KHDRBS2: variants seen among roughly 807,000 people sequenced by gnomAD.
KHDRBS2 encodes the protein KH domain-containing, RNA-binding, signal transduction-associated protein 2.
In KHDRBS2, 26 loss-of-function variants were observed where a neutral mutation model predicts 44.3. The observed-to-expected ratio is 0.59, with a 90% confidence interval of 0.43 to 0.81. The LOEUF (loss-of-function observed/expected upper bound fraction) is 0.81, where lower values mean the gene tolerates loss of function less well. Ranked by LOEUF, KHDRBS2 falls within the 40% of genes least tolerant of loss-of-function variation. KHDRBS2 has a pLI of 0.00. For missense variants in KHDRBS2, 476 were observed against 433.1 expected (o/e 1.10, Z -0.88); for synonymous variants, 194 against 151.1 (o/e 1.28, Z -2.08).
At chr6:62,060,444 GATGGGAGT>G (rs1791501577) in intron 2 of KHDRBS2, among the ~76,000 whole-genome samples, 2 of 151,798 alleles carry the variant, frequency 1.3e-5, no homozygotes, top group South Asian at 4.1e-4. Flanking sequence ...AAAGGCTATA[GATGGGAGT>G]AATTTAGAGT....
chr6:61,879,366 A>T (rs1038389348), intron 6 of KHDRBS2, among the ~76,000 whole-genome samples: 7 of 151,888 alleles, frequency 4.6e-5, no homozygotes, highest in Non-Finnish European at 8.8e-5. Context: ...TTGTCCAGCT[A>T]TCTTACCTGT....
intron 3 of KHDRBS2, among the ~76,000 whole-genome samples, chr6:62,011,026 A>C (rs1235397327): frequency 6.6e-6 from 1 of 152,014 alleles, no homozygotes; most frequent in East Asian, 1.9e-4. Context: ...ACAGATCTTC[A>C]CTTTGTGGTT....
At chr6:62,177,534 A>C (rs1282994635) in intron 1 of KHDRBS2, among the ~76,000 whole-genome samples, 1 of 125,550 alleles carries the variant, frequency 8.0e-6, no homozygotes, top group Non-Finnish European at 1.8e-5. Flanking sequence ...AAAAGCGATA[A>C]TTGAAGATGT....
At chr6:62,059,324 A>C (rs1048248552) in intron 2 of KHDRBS2, among the ~76,000 whole-genome samples, 8 of 148,736 alleles carry the variant, frequency 5.4e-5, no homozygotes, top group Admixed American at 6.8e-5. Context: ...GAAAAAACAT[A>C]TGGGGCAGAT....
At chr6:61,689,458 A>G (rs1767159924) in intron 8 of KHDRBS2, among the ~76,000 whole-genome samples, 2 of 151,880 alleles carry the variant, frequency 1.3e-5, no homozygotes, top group African/African-American at 2.4e-5. Context: ...TTTTGTGGAA[A>G]TTTTGTGGAA....
intron 1 of KHDRBS2, among the ~76,000 whole-genome samples, chr6:62,255,446 A>C (rs1837213732): frequency 6.6e-6 from 1 of 152,070 alleles, no homozygotes; most frequent in African/African-American, 2.4e-5. Context: ...TCTCCATCTT[A>C]TGGATGTAAC....
chr6:62,124,019 T>C (rs998543641), intron 2 of KHDRBS2, among the ~76,000 whole-genome samples: 3 of 152,242 alleles, frequency 2.0e-5, no homozygotes, highest in South Asian at 4.1e-4. Flanking sequence ...TCATTGTATA[T>C]GTTTAAACTG....
intron 1 of KHDRBS2, among the ~76,000 whole-genome samples, chr6:62,202,079 C>T (rs1185833068): frequency 6.6e-6 from 1 of 152,032 alleles, no homozygotes; most frequent in Non-Finnish European, 1.5e-5. Flanking sequence ...AATAATCTTA[C>T]AGAGAAATTG....
chr6:62,073,119 T>G (rs1795574718), intron 2 of KHDRBS2, among the ~76,000 whole-genome samples: 1 of 151,988 alleles, frequency 6.6e-6, no homozygotes, highest in Non-Finnish European at 1.5e-5. Context: ...ACTTCTAATC[T>G]TTGAAAAGAT....
intron 3 of KHDRBS2, among the ~76,000 whole-genome samples, chr6:62,044,910 T>C (rs1373089729): frequency 6.6e-6 from 1 of 152,104 alleles, no homozygotes; most frequent in African/African-American, 2.4e-5. Context: ...TACATACTTA[T>C]GTGTATGTAG....
intron 1 of KHDRBS2, among the ~76,000 whole-genome samples, chr6:62,244,075 A>C (rs1451969588): frequency 6.6e-6 from 1 of 152,194 alleles, no homozygotes; most frequent in Non-Finnish European, 1.5e-5. Context: ...AAAACAAAAC[A>C]AAACATTGCC....
At chr6:61,978,322 G>C (rs1773139016) in intron 3 of KHDRBS2, 110 bp from the exon 4 acceptor site, 2 of 756,988 alleles carry the variant, frequency 2.6e-6, no homozygotes, top group Admixed American at 3.7e-5. Flanking sequence ...TCCATAATTT[G>C]CTTCCATAAT....
chr6:61,751,120 G>T (rs1248187154), intron 6 of KHDRBS2, among the ~76,000 whole-genome samples: 6 of 151,972 alleles, frequency 3.9e-5, no homozygotes, highest in Non-Finnish European at 8.8e-5. Context: ...TTATAACTGA[G>T]GATAACCTTG....
intron 1 of KHDRBS2, among the ~76,000 whole-genome samples, chr6:62,249,729 T>C (rs1836214151): frequency 6.6e-6 from 1 of 152,088 alleles, no homozygotes; most frequent in Admixed American, 6.6e-5. Context: ...TGTGTTCTAT[T>C]TCTCTATAAA....
intron 1 of KHDRBS2, among the ~76,000 whole-genome samples, chr6:62,259,332 T>G (rs750404667): frequency 1.2e-4 from 18 of 152,054 alleles, no homozygotes; most frequent in Non-Finnish European, 2.4e-4. Context: ...CATTTAGTCC[T>G]TAAATTTTCT....
At chr6:61,697,369 G>A (rs1768021047) in intron 7 of KHDRBS2, 116 bp from the exon 8 acceptor site, 4 of 704,608 alleles carry the variant, frequency 5.7e-6, no homozygotes, top group African/African-American at 1.8e-5. Flanking sequence ...GAACTTCAAG[G>A]CATAAAACAC....
intron 6 of KHDRBS2, among the ~76,000 whole-genome samples, chr6:61,742,465 G>T (rs1776276744): frequency 1.3e-5 from 2 of 151,796 alleles, no homozygotes; most frequent in South Asian, 2.1e-4. Context: ...TTGACTATGG[G>T]TTACTTATAA....
At chr6:61,935,756 G>T (rs563954110) in intron 4 of KHDRBS2, among the ~76,000 whole-genome samples, 40 of 152,050 alleles carry the variant, frequency 2.6e-4, no homozygotes, top group Non-Finnish European at 4.6e-4. Context: ...TGAAATATGA[G>T]AAATAGTAAG....
At chr6:61,940,837 G>A (rs1191009461) in intron 4 of KHDRBS2, among the ~76,000 whole-genome samples, 1 of 152,166 alleles carries the variant, frequency 6.6e-6, no homozygotes, top group Non-Finnish European at 1.5e-5. Flanking sequence ...GCTTAGGCAT[G>A]AGCAAACTGC....
Sources: allele counts gnomAD v4.1 joint callset (sites outside exome capture counted in the v4.1 genomes callset), GRCh38; gene constraint gnomAD v4.1.1; transcripts MANE v1.5; gene names NCBI Gene and HGNC (gene_info 2026-07-23, HGNC 2026-07-21).